Variants in CAST observed in about 807,000 individuals in gnomAD.
CAST encodes MIR583 host.
CAST carries 76 observed loss-of-function variants against 119.6 expected under a neutral mutation model. The ratio of observed to expected loss-of-function variants is 0.64; its 90% CI spans 0.53 to 0.77. The LOEUF (loss-of-function observed/expected upper bound fraction) is 0.77, where lower values mean the gene tolerates loss of function less well. Ranked by LOEUF, CAST falls within the 30% of genes least tolerant of loss-of-function variation. The pLI is 0.00. For synonymous variants in CAST, 319 were observed against 331.6 expected, an observed-to-expected ratio of 0.96 and a Z score of 0.41; for missense variants, 953 against 946.5, an observed-to-expected ratio of 1.01 and a Z score of -0.09.
the CAST span, among the ~76,000 whole-genome samples, chr5:96,239,324 A>G: frequency 6.6e-6 from 1 of 152,014 alleles, no homozygotes; most frequent in South Asian, 2.1e-4. Context: ...TTTTATTTTC[A>G]TGTTGTAAAT....
chr5:96,496,731 G>A, the CAST span, among the ~76,000 whole-genome samples: 1 of 152,056 alleles, frequency 6.6e-6, no homozygotes, highest in African/African-American at 2.4e-5. Flanking sequence ...AACCGGTTAG[G>A]TTACTTGCCC....
the CAST span, among the ~76,000 whole-genome samples, chr5:96,314,994 A>AT: frequency 7.9e-5 from 12 of 152,228 alleles, no homozygotes; most frequent in Non-Finnish European, 1.2e-4. Flanking sequence ...ATATTAATAT[A>AT]TTTAGGCAAA....
chr5:96,737,883 A>C lies in CAST; in HGVS notation c.734A>C (p.Asp245Ala). Residue 245 changes from aspartate (D) to alanine (A), a missense_variant, in exon 11 of 32, where the codon GAT becomes GCT. Asp to Ala is a moderately radical substitution (Grantham distance 126, BLOSUM62 -2). Coordinates refer to ENST00000675179, the MANE Select transcript of CAST (RefSeq NM_001750.7). The stretch of plus-strand genomic sequence containing the variant: ...GATGCTGCTTTGGATGACTTAATAG[A>C]TACTTTAGGAGGACCTGAAGAAACT... ...GMDAALDDLI[D>A]TLGGPEETEE... 1 of 1,606,998 alleles carries C rather than the reference A, an allele frequency of 6.2e-7. No individual in the cohort carries two copies. The highest frequency in any genetic ancestry group is 1.1e-5 in the South Asian group (1 of 90,886).
chr5:96,522,533 G>C (rs1369773364), upstream of CAST, among the ~76,000 whole-genome samples: 1 of 152,168 alleles, frequency 6.6e-6, no homozygotes, highest in East Asian at 1.9e-4. Context: ...AAAAACAATA[G>C]TCATCTGTAA....
chr5:96,395,282 T>A, the CAST span, among the ~76,000 whole-genome samples: 1 of 152,228 alleles, frequency 6.6e-6, no homozygotes, highest in Non-Finnish European at 1.5e-5. Context: ...CTTTTCCATA[T>A]TGGATGTGTT....
the CAST span, among the ~76,000 whole-genome samples, chr5:96,253,215 T>C: frequency 6.6e-6 from 1 of 152,132 alleles, no homozygotes; most frequent in African/African-American, 2.4e-5. Context: ...GAGTTTAATC[T>C]ATCCAGGGCT....
the CAST span, among the ~76,000 whole-genome samples, chr5:96,412,750 A>ATTTTTTT: frequency 1.7e-3 from 106 of 63,396 alleles, 2 homozygotes; most frequent in African/African-American, 8.3e-3. Flanking sequence ...GGCAGCTGTG[A>ATTTTTTT]TGTTTTTTTT....
intron 2 of CAST, among the ~76,000 whole-genome samples, chr5:96,689,815 T>C (rs775069746): frequency 2.0e-4 from 31 of 152,246 alleles, no homozygotes; most frequent in Non-Finnish European, 3.5e-4. Flanking sequence ...ATAGACTTTC[T>C]TACTTCTATT....
At chr5:96,364,606 T>G in the CAST span, among the ~76,000 whole-genome samples, 1 of 152,254 alleles carries the variant, frequency 6.6e-6, no homozygotes, top group African/African-American at 2.4e-5. Flanking sequence ...CTAGTTTGTT[T>G]GCGTAGAGCT....
the CAST span, among the ~76,000 whole-genome samples, chr5:96,323,804 A>G: frequency 2.0e-5 from 3 of 152,366 alleles, no homozygotes; most frequent in East Asian, 1.9e-4. Context: ...TGAAGAAACC[A>G]GGGGCCCTGA....
chr5:96,502,518 T>C, the CAST span, among the ~76,000 whole-genome samples: 1 of 152,052 alleles, frequency 6.6e-6, no homozygotes, highest in Non-Finnish European at 1.5e-5. Flanking sequence ...GTGCATGTTC[T>C]TTGTCACAAA....
At chr5:96,649,631 A>G (rs983726922) in intron 1 of CAST, among the ~76,000 whole-genome samples, 9 of 152,246 alleles carry the variant, frequency 5.9e-5, no homozygotes, top group African/African-American at 1.9e-4. Context: ...AAAGAGTCAT[A>G]GAACTGGATT....
At chr5:96,740,654 G>C in intron 12 of CAST, 91 bp from the exon 13 acceptor site, 1 of 869,754 alleles carries the variant, frequency 1.1e-6, no homozygotes, top group South Asian at 1.4e-5. Flanking sequence ...GGGGTGGGAG[G>C]CACAATTCAA....
the CAST span, among the ~76,000 whole-genome samples, chr5:96,317,630 T>C: frequency 1.3e-5 from 2 of 152,172 alleles, no homozygotes; most frequent in Non-Finnish European, 2.9e-5. Flanking sequence ...TCATATTACA[T>C]GAACCCTTCT....
the CAST span, among the ~76,000 whole-genome samples, chr5:96,230,001 G>A: frequency 1.3e-5 from 2 of 152,090 alleles, no homozygotes; most frequent in East Asian, 1.9e-4. Flanking sequence ...GAACCTGAGA[G>A]GTGTCAGGGA....
the CAST span, among the ~76,000 whole-genome samples, chr5:96,298,756 A>G: frequency 4.6e-5 from 7 of 152,184 alleles, no homozygotes; most frequent in South Asian, 4.1e-4. Context: ...CGAAATTGAA[A>G]CAAATAACAG....
chr5:96,641,470 T>C (rs565894097), intron 1 of CAST, among the ~76,000 whole-genome samples: 1 of 152,252 alleles, frequency 6.6e-6, no homozygotes, highest in African/African-American at 2.4e-5. Context: ...CTCTTGAGAA[T>C]CGGGCTCTTT....
At chr5:96,603,403 T>C (rs73152058) in intron 1 of CAST, among the ~76,000 whole-genome samples, 12,648 of 152,250 alleles carry the variant, frequency 0.083, 606 homozygotes, top group African/African-American at 0.14. Context: ...TTTTAATTTT[T>C]TTAACCTTTT....
the CAST span, among the ~76,000 whole-genome samples, chr5:96,161,297 G>A: frequency 5.3e-5 from 8 of 152,046 alleles, no homozygotes; most frequent in Admixed American, 5.2e-4. Flanking sequence ...CATAAAGTGT[G>A]GTAGGTGGTC....
Sources: allele counts gnomAD v4.1 joint callset (sites outside exome capture counted in the v4.1 genomes callset), GRCh38; gene constraint gnomAD v4.1.1; transcripts MANE v1.5; gene names NCBI Gene and HGNC (gene_info 2026-07-23, HGNC 2026-07-21).